The following HERC6 variants were observed in gnomAD, a reference collection of about 807,000 sequenced individuals.
HERC6 encodes HECT and RLD domain containing E3 ubiquitin protein ligase family member 6.
Under a neutral mutation model 114.5 loss-of-function variants are expected in HERC6, and 101 were observed. The observed-to-expected ratio is 0.88, with a 90% CI of 0.75 to 1.04. HERC6 has a LOEUF of 1.04. HERC6 is among the 50% of genes least tolerant of loss of function. HERC6 has a pLI of 0.00. For missense variants in HERC6, 1,133 were observed against 1,230.9 expected (o/e 0.92, Z 1.19); for synonymous variants, 408 against 436.2 (o/e 0.94, Z 0.81).
At chr4:88,397,010 A>C in intron 7 of HERC6, 23 bp downstream of exon 7, 1 of 1,599,796 alleles carries the variant, frequency 6.3e-7, no homozygotes, top group Non-Finnish European at 8.5e-7. Context: ...CTAATTCATG[A>C]TTTTGTGTTC....
rs1368723122 is a variant in HERC6 at position 88,378,902 on chromosome 4, C to A, written c.-20C>A. 4 of 1,564,834 alleles carry A rather than the reference C, an allele frequency of 2.6e-6. No individual in the cohort carries two copies. Among genetic ancestry groups the A allele is most frequent in the Non-Finnish European group, 3.5e-6 (4 of 1,155,504 alleles). ...CGGGACCGACGGAATCCGGAGCAGG[C>A]GACAGGGCGCAGAAGCGGGATGTAC... On this transcript the variant is annotated 5_prime_UTR_variant, in exon 1 of 23. Coordinates refer to ENST00000264346, the MANE Select transcript of HERC6 (RefSeq NM_017912.4).
chr4:88,428,533 C>T (rs1393758276), intron 15 of HERC6, 47 bp from the exon 16 acceptor site: 1 of 1,437,372 alleles, frequency 7.0e-7, no homozygotes, highest in East Asian at 2.3e-5. Flanking sequence ...CCTTGGGATT[C>T]CTATGAGGTC....
chr4:88,404,568 G>A (rs1284804736), intron 8 of HERC6, among the ~76,000 whole-genome samples: 1 of 152,066 alleles, frequency 6.6e-6, no homozygotes, highest in Admixed American at 6.5e-5. Flanking sequence ...ATGGACATGG[G>A]TTGTTTCCAT....
In HERC6 at chr4:88,396,150, G is replaced by A; in HGVS notation, c.887+8G>A. On this transcript the variant is annotated splice_region_variant and intron_variant, in intron 6 of 22. Transcript: ENST00000264346. ...GCAGATAGATTGTGGAAGGTAATAG[G>A]CTTCTTCTTCTTCTTTTTCTTAGCA... The A allele has an allele frequency of 2.6e-6, 4 of 1,559,080 alleles. No individual in the cohort carries two copies. The highest frequency in any genetic ancestry group is 3.5e-6 in the Non-Finnish European group (4 of 1,155,560).
intron 22 of HERC6, among the ~76,000 whole-genome samples, chr4:88,441,414 A>C (rs1739341002): frequency 6.6e-6 from 1 of 152,192 alleles, no homozygotes; most frequent in African/African-American, 2.4e-5. Flanking sequence ...GAGGAAAAAG[A>C]GGCTTGGAGC....
intron 17 of HERC6, among the ~76,000 whole-genome samples, chr4:88,435,051 G>A (rs1738600382): frequency 6.6e-6 from 1 of 152,154 alleles, no homozygotes; most frequent in South Asian, 2.1e-4. Flanking sequence ...CTAACAGTAA[G>A]GTTGGCATTG....
intron 17 of HERC6, among the ~76,000 whole-genome samples, chr4:88,433,025 T>G (rs1378982881): frequency 6.6e-6 from 1 of 152,018 alleles, no homozygotes; most frequent in African/African-American, 2.4e-5. Context: ...GAGGCAGAGG[T>G]TGCAGTGAGC....
At chr4:88,403,978 G>A (rs1419065038) in intron 8 of HERC6, among the ~76,000 whole-genome samples, 1 of 151,860 alleles carries the variant, frequency 6.6e-6, no homozygotes, top group Admixed American at 6.6e-5. Flanking sequence ...ACCCCAAACA[G>A]AAATTCTGTA....
In HERC6 at chr4:88,442,323, G is replaced by T; in HGVS notation, c.2932G>T (p.Asp978Tyr). 1 of 1,613,768 alleles carries T rather than the reference G, an allele frequency of 6.2e-7. No individual in the cohort carries two copies. The highest frequency in any genetic ancestry group is 1.1e-5 in the South Asian group (1 of 91,020). The change falls in exon 23 of 23, where the codon GAT becomes TAT. Residue 978 changes from aspartate to tyrosine, a missense_variant. Transcript: ENST00000264346. Reference protein sequence around the residue: ...FRCPETFSERDHPTSITCHNI... With the variant: ...FRCPETFSERYHPTSITCHNI... ...CTGTCCTGAAACTTTCAGTGAAAGA[G>T]ATCACCCAACATCAATAACTTGTCA...
At chr4:88,424,054 T>C in intron 14 of HERC6, 81 bp downstream of exon 14, 1 of 659,630 alleles carries the variant, frequency 1.5e-6, no homozygotes, top group Non-Finnish European at 2.5e-6. Context: ...AAGGTACTCT[T>C]TGATAAATCA....
chr4:88,428,649 T>C lies in HERC6; in HGVS notation c.2005T>C (p.Ser669Pro), dbSNP rs1293703008. The C allele has an allele frequency of 6.2e-7, 1 of 1,608,356 alleles. No individual in the cohort carries two copies. The highest frequency in any genetic ancestry group is 1.1e-5 in the South Asian group (1 of 89,384). The change falls in exon 16 of 23, where the codon TCA becomes CCA. Residue 669 changes from serine to proline, a missense_variant. Ser to Pro is a moderately conservative substitution (Grantham distance 74, BLOSUM62 -1). This residue lies in a region of HERC6 where 388 missense variants were observed against 445.9 expected (regional missense o/e 0.87). Transcript: ENST00000264346. ...ILQKKDEFPP[S>P]PRFILRVRRS... ...GCAAAAAAAGGATGAATTTCCTCCA[T>C]CACCCAGATTTATACTTAGAGTCAG... is the stretch of plus-strand genomic sequence containing the variant.
chr4:88,395,935 TC>T, intron 5 of HERC6, 79 bp from the exon 6 acceptor site: 1 of 1,340,712 alleles, frequency 7.5e-7, no homozygotes, highest in Non-Finnish European at 1.0e-6. Flanking sequence ...CCGTATTAAC[TC>T]TTGTATGACA....
In HERC6 at chr4:88,404,877, A is replaced by T; in HGVS notation, c.1094A>T (p.Asp365Val). 3 of 1,613,462 alleles carry T rather than the reference A, an allele frequency of 1.9e-6. No homozygotes were observed. The highest frequency in any genetic ancestry group is 2.5e-6 in the Non-Finnish European group (3 of 1,179,548). ...TYANFVTTHQ[D>V]TSSTRAPGKT... is the part of the protein sequence containing the mutation. ...TTCTTGTTTCTTCCTTCCCTGAAGG[A>T]TACTAGTTCCACACGTGCTCCCGGG... The change falls in exon 9 of 23, where the codon GAT becomes GTT. Residue 365 changes from aspartate (D) to valine (V), a missense_variant and splice_region_variant. Physicochemically the swap from Asp to Val is radical, Grantham distance 152. Coordinates refer to ENST00000264346, the MANE Select transcript of HERC6 (RefSeq NM_017912.4).
In HERC6 at chr4:88,440,195, G is replaced by A. The variant is rs61738382; in HGVS notation, c.2787G>A (p.Gln929=). 7.0e-4 allele frequency: 1,134 copies of A among 1,608,754 alleles called. 3 individuals carry two copies. The highest frequency in any genetic ancestry group is 1.8e-3 in the South Asian group (160 of 90,070). ...QGYQKSHPTI[Q]LFWKAFHKLT... is the part of the protein sequence containing the mutation. ...ACCAAAAATCACATCCTACTATACA[G>A]TTGTTTTGGAAGGCTTTCCACAAAC... The change falls in exon 22 of 23, where the codon CAG becomes CAA. Residue 929 remains glutamine (Q), a synonymous_variant. Coordinates refer to ENST00000264346, the MANE Select transcript of HERC6 (RefSeq NM_017912.4).
intron 8 of HERC6, among the ~76,000 whole-genome samples, chr4:88,403,155 T>C (rs530142623): frequency 1.3e-5 from 2 of 152,328 alleles, no homozygotes; most frequent in African/African-American, 2.4e-5. Context: ...AAGTATTATA[T>C]AGAGCAATGG....
chr4:88,390,923 C>A, intron 4 of HERC6, 44 bp downstream of exon 4: 1 of 1,516,814 alleles, frequency 6.6e-7, no homozygotes, highest in South Asian at 1.2e-5. Flanking sequence ...TTCTTTCTTT[C>A]CAGGTGGAAG....
intron 4 of HERC6, among the ~76,000 whole-genome samples, chr4:88,392,608 G>T (rs1734979198): frequency 6.6e-6 from 1 of 152,172 alleles, no homozygotes; most frequent in Admixed American, 6.5e-5. Flanking sequence ...CTAATAAAAT[G>T]GAGTTGGGTG....
intron 16 of HERC6, among the ~76,000 whole-genome samples, chr4:88,430,569 C>CAAATAAATAAATAAATAAATAAAT (rs375978104): frequency 7.1e-6 from 1 of 141,238 alleles, no homozygotes; most frequent in African/African-American, 2.8e-5. Flanking sequence ...GACTCCATCT[C>CAAATAAATAAATAAATAAATAAAT]AAATAAATAA....
chr4:88,424,465 C>T, intron 14 of HERC6, 130 bp from the exon 15 acceptor site: 2 of 714,504 alleles, frequency 2.8e-6, no homozygotes, highest in South Asian at 3.5e-5. Flanking sequence ...GGCAATAGAA[C>T]AAGACTCTGC....
Sources: gnomAD v4.1 joint callset for allele counts (sites outside exome capture counted in the v4.1 genomes callset) on GRCh38, gnomAD v4.1.1 for gene constraint, gnomAD v4.1.1 regional missense constraint, MANE v1.5 for transcripts, NCBI Gene and HGNC (gene_info 2026-07-23, HGNC 2026-07-21) for gene names.